Variants in REEP2 observed in about 807,000 individuals in gnomAD.
REEP2 encodes receptor expression-enhancing protein 2.
REEP2 carries 9 observed loss-of-function variants against 32.1 expected under a neutral mutation model. The observed-to-expected ratio is 0.28, with a 90% CI of 0.17 to 0.49. The LOEUF (loss-of-function observed/expected upper bound fraction) is 0.49, where lower values mean the gene tolerates loss of function less well. REEP2 is among the 20% of genes least tolerant of loss of function. The pLI is 0.99. For synonymous variants in REEP2, 128 were observed against 139.1 expected (o/e 0.92, Z 0.56); for missense variants, 236 against 338.0 (o/e 0.70, Z 2.37).
Position 138,445,260 on chromosome 5 carries a change from C to A in REEP2, c.450C>A (p.Ser150Arg). 6.2e-7 allele frequency: 1 copy of A among 1,612,690 alleles called. No individual in the cohort carries two copies. ...GGGTGCTGTCAGAGAAGCTCCGCAGCTTCAGCATGCAGGACCTGACCCTGA... is the reference window on the plus strand; with the variant it reads ...GGGTGCTGTCAGAGAAGCTCCGCAGATTCAGCATGCAGGACCTGACCCTGA... Reference protein sequence around the residue: ...GQGVLSEKLRSFSMQDLTLIR... With the variant: ...GQGVLSEKLRRFSMQDLTLIR... The change falls in exon 6 of 8, where the codon AGC becomes AGA. Residue 150 changes from serine to arginine, a missense_variant. Transcript: ENST00000378339.
In REEP2 at chr5:138,445,910, A is replaced by T; in HGVS notation, c.*159A>T. 1.4e-6 allele frequency: 1 copy of T among 703,208 alleles called. No individual in the cohort carries two copies. The highest frequency in any genetic ancestry group is 3.7e-4 in the Middle Eastern group (1 of 2,690). 43.6% of individuals were successfully genotyped at this position (703,208 alleles called of 1,614,324 possible). ...GCCTGCCCAGTGGCCACTCTTCTGG[A>T]AGGGGCTTGGAAAAGAGGAAGGAGG... On this transcript the variant is annotated 3_prime_UTR_variant, in exon 8 of 8. Coordinates refer to ENST00000378339, the MANE Select transcript of REEP2 (RefSeq NM_001271803.2).
chr5:138,440,432 A>G (rs1188857376), intron 1 of REEP2, among the ~76,000 whole-genome samples: 1 of 152,194 alleles, frequency 6.6e-6, no homozygotes, highest in African/African-American at 2.4e-5. Context: ...TTGGATCACC[A>G]GCGGGGCCCT....
rs113901601 is a variant in REEP2, at chr5:138,441,113, T to A, written c.105+25T>A. ...TGTGAGTGGATGACCCTTCACCCCC[T>A]ACCCAACCCACATGGCACAGAGAGG... On this transcript the variant is annotated intron_variant, in intron 2 of 7. Coordinates refer to ENST00000378339, the MANE Select transcript of REEP2 (RefSeq NM_001271803.2). The surrounding 1 kb of genome is among the most constrained non-coding windows in gnomAD (Gnocchi z 4.4). 11 of 1,613,366 alleles carry A rather than the reference T, an allele frequency of 6.8e-6. No homozygotes were observed. In the Middle Eastern group the frequency reaches 4.9e-4, roughly 73 times the overall value.
chr5:138,441,548 G>C lies in REEP2; in HGVS notation c.182+87G>C. 1 of 1,148,008 alleles carries C rather than the reference G, an allele frequency of 8.7e-7. No individual in the cohort carries two copies. Among genetic ancestry groups the C allele is most frequent in the South Asian group, 1.2e-5 (1 of 80,690 alleles). The allele number at this position is 1,148,008 out of a possible 1,614,324, so 71.1% of individuals were successfully genotyped here. On this transcript the variant is annotated intron_variant, in intron 3 of 7. Transcript: ENST00000378339. This position sits in a 1 kb window ranked among gnomAD's most constrained non-coding sequence, Gnocchi z 4.4. ...CCAGCCAAACAAAAGACTGGGCCTGGGGGTGAAGCTCCTCCCATTCCTGAC... is the reference window on the plus strand; with the variant it reads ...CCAGCCAAACAAAAGACTGGGCCTGCGGGTGAAGCTCCTCCCATTCCTGAC...
intron 3 of REEP2, among the ~76,000 whole-genome samples, chr5:138,442,079 T>A (rs1464923043): frequency 6.6e-6 from 1 of 152,234 alleles, no homozygotes; most frequent in Non-Finnish European, 1.5e-5. Flanking sequence ...GGCCTCAGTT[T>A]CCTTATTTGT....
rs113089597 is a variant in REEP2, at chr5:138,441,921, C to A, written c.182+460C>A. 1.3e-5 allele frequency among the ~76,000 whole-genome samples: 2 copies of A among 151,310 alleles called. No homozygotes were observed. The highest frequency in any genetic ancestry group is 2.9e-5 in the Non-Finnish European group (2 of 67,806). On this transcript the variant is annotated intron_variant, in intron 3 of 7. Coordinates refer to ENST00000378339, the MANE Select transcript of REEP2 (RefSeq NM_001271803.2). This position sits in a 1 kb window ranked among gnomAD's most constrained non-coding sequence, Gnocchi z 4.4. The stretch of plus-strand genomic sequence containing the variant: ...CAGCCTGGGCAACAGAGTGAGACTC[C>A]GTCTCAAAAAAAAAACAAACAAACA...
At chr5:138,439,352 C>T in intron 1 of REEP2, 112 bp downstream of exon 1, 3 of 1,169,522 alleles carry the variant, frequency 2.6e-6, no homozygotes, top group Non-Finnish European at 3.5e-6. Context: ...AAAGGCGCTG[C>T]GTCCTTATTT....
In REEP2 at chr5:138,444,396, C is replaced by T. The variant is rs1405199069; in HGVS notation, c.183-19C>T. On this transcript the variant is annotated intron_variant, in intron 3 of 7. Coordinates refer to ENST00000378339, the MANE Select transcript of REEP2 (RefSeq NM_001271803.2). Reference sequence around the variant, plus strand: ...CCAACTCCCTGCCCTGTACTCTGCGCTTGCCCCTGTCCCAACAGGTTCCCC... The same window carrying T: ...CCAACTCCCTGCCCTGTACTCTGCGTTTGCCCCTGTCCCAACAGGTTCCCC... The T allele has an allele frequency of 1.9e-6, 3 of 1,612,760 alleles. No homozygotes were observed. Among genetic ancestry groups the T allele is most frequent in the South Asian group, 1.1e-5 (1 of 91,008 alleles).
chr5:138,445,579 A>G lies in REEP2; in HGVS notation c.677A>G (p.Lys226Arg). The change falls in exon 7 of 8, where the codon AAA becomes AGA. Residue 226 changes from lysine (K) to arginine (R), a missense_variant. Physicochemically the swap from Lys to Arg is conservative, Grantham distance 26 (BLOSUM62 2). Transcript: ENST00000378339. ...GCTCCCAAGAGGGCCAAACCCATCA[A>G]AAAAGCGCCCAAAGCTGAGGTGAGG... is the stretch of plus-strand genomic sequence containing the variant. ...DKAPKRAKPI[K>R]KAPKAEPLAS... 6.2e-7 allele frequency: 1 copy of G among 1,614,190 alleles called. No individual in the cohort carries two copies. Among genetic ancestry groups the G allele is most frequent in the East Asian group, 2.2e-5 (1 of 44,882 alleles).
At chr5:138,444,677 G>T in intron 4 of REEP2, 77 bp from the exon 5 acceptor site, 1 of 1,568,230 alleles carries the variant, frequency 6.4e-7, no homozygotes, top group Non-Finnish European at 8.7e-7. Context: ...TCCCGGAGCA[G>T]GCAGGGGCCT....
chr5:138,445,624 G>A, intron 7 of REEP2, 26 bp downstream of exon 7: 1 of 1,614,158 alleles, frequency 6.2e-7, no homozygotes, highest in Non-Finnish European at 8.5e-7. Context: ...AGAGCTTGGG[G>A]AAACAGGCAG....
chr5:138,444,180 G>A (rs1001162163), intron 3 of REEP2: 51 of 478,526 alleles, frequency 1.1e-4, no homozygotes, highest in African/African-American at 9.8e-4. Context: ...GGCCAGGAGA[G>A]TCGCTGCTGG....
At chr5:138,442,529 G>A (rs907189867) in intron 3 of REEP2, among the ~76,000 whole-genome samples, 1 of 152,060 alleles carries the variant, frequency 6.6e-6, no homozygotes, top group African/African-American at 2.4e-5. Context: ...TGGCCAACAC[G>A]GTGAAACCCC....
chr5:138,440,649 T>G (rs1037596766), intron 1 of REEP2, among the ~76,000 whole-genome samples: 1 of 151,908 alleles, frequency 6.6e-6, no homozygotes. Context: ...GGCAGATGGG[T>G]GTGAATGGGC....
Position 138,445,237 on chromosome 5 carries a change from G to T in REEP2, c.427G>T (p.Val143Leu). 1.2e-6 allele frequency: 2 copies of T among 1,607,608 alleles called. No individual in the cohort carries two copies. Among genetic ancestry groups the T allele is most frequent in the African/African-American group, 1.3e-5 (1 of 74,902 alleles). The change falls in exon 6 of 8, where the codon GTG becomes TTG. Residue 143 changes from valine to leucine, a missense_variant. Coordinates refer to ENST00000378339, the MANE Select transcript of REEP2 (RefSeq NM_001271803.2). The part of the protein sequence containing the change: ...AVTAAAKGQG[V>L]LSEKLRSFSM... ...GTGGTGGTGACCCTAGGGCCAGGGGGTGCTGTCAGAGAAGCTCCGCAGCTT... is the reference window on the plus strand; with the variant it reads ...GTGGTGGTGACCCTAGGGCCAGGGGTTGCTGTCAGAGAAGCTCCGCAGCTT...
chr5:138,444,296 G>T (rs1763881449), intron 3 of REEP2, 119 bp from the exon 4 acceptor site: 13 of 1,235,904 alleles, frequency 1.1e-5, no homozygotes, highest in Non-Finnish European at 1.5e-5. Flanking sequence ...GCCCCATGGG[G>T]ACCCCAGTGC....
intron 4 of REEP2, 101 bp from the exon 5 acceptor site, chr5:138,444,652 AG>A: frequency 6.4e-7 from 1 of 1,560,732 alleles, no homozygotes; most frequent in Non-Finnish European, 8.8e-7. Context: ...GTGACTTGGC[AG>A]GGCTGCCGTG....
chr5:138,439,233 C>T lies in REEP2; in HGVS notation c.25C>T (p.Leu9=), dbSNP rs1267053228. MVSWIISR[L]VVLIFGTLYP... The stretch of plus-strand genomic sequence containing the variant: ...CATGGTGTCCTGGATCATCTCTCGC[C>T]TGGTGGTGTGAGTGCGGCGGCGGCG... Residue 9 remains leucine, a synonymous_variant, in exon 1 of 8, where the codon CTG becomes TTG. Transcript: ENST00000378339. The T allele has an allele frequency of 1.4e-6, 2 of 1,429,742 alleles. No homozygotes were observed. The highest frequency in any genetic ancestry group is 1.5e-5 in the African/African-American group (1 of 67,146). The allele number at this position is 1,429,742 out of a possible 1,614,324, so 88.6% of individuals were successfully genotyped here.
chr5:138,445,712 G>C lies in REEP2; in HGVS notation c.726G>C (p.Arg242=), dbSNP rs759164116. 8 of 1,614,100 alleles carry C rather than the reference G, an allele frequency of 5.0e-6. No individual in the cohort carries two copies. The Admixed American group carries it at 1.3e-4, about 27-fold the overall frequency. The change falls in exon 8 of 8, where the codon CGG becomes CGC. Residue 242 remains arginine, a synonymous_variant. Coordinates refer to ENST00000378339, the MANE Select transcript of REEP2 (RefSeq NM_001271803.2). ...TGGCTTCCAAGACACTGAAGACCCG[G>C]CCCAAGAAGAAGACCTCTGGCGGGG... ...EPLASKTLKT[R]PKKKTSGGGD...
Sources: allele counts gnomAD v4.1 joint callset (sites outside exome capture counted in the v4.1 genomes callset), GRCh38; gene constraint gnomAD v4.1.1; non-coding constraint Gnocchi (gnomAD v3.1); transcripts MANE v1.5; gene names NCBI Gene and HGNC (gene_info 2026-07-23, HGNC 2026-07-21).